NTAQ1: variants seen among roughly 807,000 people sequenced by gnomAD.
NTAQ1 encodes the protein protein N-terminal glutamine amidohydrolase.
Under a neutral mutation model 28.2 loss-of-function variants are expected in NTAQ1, and 21 were observed. The observed-to-expected ratio is 0.74, with a 90% CI of 0.53 to 1.07. The LOEUF is 1.07. Among genes scored for constraint, NTAQ1 ranks in the 50% least tolerant of loss-of-function variants. The pLI is 0.00. For missense variants in NTAQ1, 264 were observed against 256.6 expected (o/e 1.03, Z -0.20); for synonymous variants, 105 against 90.0 (o/e 1.17, Z -0.94).
chr8:123,452,895 AAAAACAAAAC>A (rs549141257), downstream of NTAQ1, among the ~76,000 whole-genome samples: 19 of 152,322 alleles, frequency 1.2e-4, no homozygotes, highest in East Asian at 3.7e-3. Flanking sequence ...CCCTCTCAAA[AAAAACAAAAC>A]AAAACAAAAC....
chr8:123,449,280 T>A (rs546179908), downstream of NTAQ1, among the ~76,000 whole-genome samples: 1 of 152,214 alleles, frequency 6.6e-6, no homozygotes, highest in Admixed American at 6.5e-5. Flanking sequence ...TGGATTCTCT[T>A]TGAGTCCCTT....
At chr8:123,461,319 C>T (rs1244761755) in intron 6 of NTAQ1, among the ~76,000 whole-genome samples, 1 of 152,158 alleles carries the variant, frequency 6.6e-6, no homozygotes, top group African/African-American at 2.4e-5. Context: ...TGGCTGGCTT[C>T]CTTGTTCCTT....
downstream of NTAQ1, among the ~76,000 whole-genome samples, chr8:123,470,337 G>A (rs183563990): frequency 2.6e-5 from 4 of 152,328 alleles, no homozygotes; most frequent in African/African-American, 7.2e-5. Context: ...ACTTGTTACC[G>A]TGGCCTCCGC....
intron 1 of NTAQ1, among the ~76,000 whole-genome samples, chr8:123,419,005 T>C (rs1813490363): frequency 6.6e-6 from 1 of 151,526 alleles, no homozygotes; most frequent in Admixed American, 6.6e-5. Context: ...CGCCTCTTGC[T>C]GAGAACCAGT....
chr8:123,452,668 T>A (rs7822727), downstream of NTAQ1, among the ~76,000 whole-genome samples: 337 of 151,596 alleles, frequency 2.2e-3, 3 homozygotes, highest in African/African-American at 7.8e-3. Context: ...TTGGGAGGCC[T>A]AGGCGGGCGG....
downstream of NTAQ1, among the ~76,000 whole-genome samples, chr8:123,443,125 T>G (rs1815142449): frequency 6.6e-6 from 1 of 151,884 alleles, no homozygotes; most frequent in Non-Finnish European, 1.5e-5. Flanking sequence ...GTTCAAACGA[T>G]TCTCATGCCT....
At chr8:123,449,206 C>T (rs951545902), downstream of NTAQ1, among the ~76,000 whole-genome samples, 1 of 152,204 alleles carries the variant, frequency 6.6e-6, no homozygotes, top group East Asian at 1.9e-4. Flanking sequence ...CAGCAGTACA[C>T]ACCATGACCA....
intron 1 of NTAQ1, among the ~76,000 whole-genome samples, chr8:123,421,512 C>CTTTTTTT (rs71310677): frequency 1.5e-5 from 2 of 133,908 alleles, no homozygotes; most frequent in East Asian, 2.3e-4. Flanking sequence ...TCTCTTTTTC[C>CTTTTTTT]TTTTTTTTTT....
intron 3 of NTAQ1, among the ~76,000 whole-genome samples, chr8:123,433,456 A>G (rs1272992642): frequency 6.6e-6 from 1 of 151,326 alleles, no homozygotes; most frequent in African/African-American, 2.4e-5. Context: ...TTATTTATTT[A>G]TTTGTTTTTG....
rs777436352 is a variant in NTAQ1 at position 123,429,989 on chromosome 8, A to C, written c.190A>C (p.Ile64Leu). 2.5e-6 allele frequency: 4 copies of C among 1,612,004 alleles called. No individual in the cohort carries two copies. The highest frequency in any genetic ancestry group is 3.4e-6 in the Non-Finnish European group (4 of 1,178,832). The part of the protein sequence containing the change: ...FISNERKMIP[I>L]WKQQARPGDG... ...AATGTATTGTATTTTGTAGATACCT[A>C]TCTGGAAACAACAGGCGAGACCTGG... Residue 64 changes from isoleucine to leucine, a missense_variant, in exon 3 of 6, where the codon ATC becomes CTC. Ile to Leu is a conservative substitution (Grantham distance 5, BLOSUM62 2). Transcript: ENST00000287387.
chr8:123,444,976 A>T (rs1458060185), downstream of NTAQ1, among the ~76,000 whole-genome samples: 1 of 152,212 alleles, frequency 6.6e-6, no homozygotes, highest in Non-Finnish European at 1.5e-5. Flanking sequence ...TAAGGAAATT[A>T]TGTCTTTCAG....
intron 6 of NTAQ1, among the ~76,000 whole-genome samples, chr8:123,459,742 A>T (rs1241367769): frequency 6.6e-6 from 1 of 152,036 alleles, no homozygotes; most frequent in Non-Finnish European, 1.5e-5. Context: ...TCAGGAAATC[A>T]CAAGGGTTTT....
chr8:123,467,276 T>G (rs899295696), exon 7 of NTAQ1: 1 of 152,060 alleles, frequency 6.6e-6, no homozygotes, highest in Non-Finnish European at 1.5e-5. Flanking sequence ...CCTCAAGTGA[T>G]CGACCTGCCT....
In NTAQ1 at chr8:123,436,743, T is replaced by C; in HGVS notation, c.383+142T>C. 2 of 870,118 alleles carry C rather than the reference T, an allele frequency of 2.3e-6. 1 individual carries two copies. Among genetic ancestry groups the C allele is most frequent in the South Asian group, 3.9e-5 (2 of 51,198 alleles). The allele number at this position is 870,118 out of a possible 1,614,324, so 53.9% of individuals were successfully genotyped here. A position where few individuals can be genotyped will look rare whatever the true frequency, so the allele number is the denominator to read the frequency against. On this transcript the variant is annotated intron_variant, in intron 4 of 5. Transcript: ENST00000287387. Reference sequence around the variant, plus strand: ...GAGTTGATGTTTAAGAATGATGTATTTGCAACACAGGAGATTCAAAATGTT... The same window carrying C: ...GAGTTGATGTTTAAGAATGATGTATCTGCAACACAGGAGATTCAAAATGTT...
intron 3 of NTAQ1, 21 bp from the exon 4 acceptor site, chr8:123,436,432 T>C (rs1482204750): frequency 6.2e-7 from 1 of 1,611,708 alleles, no homozygotes; most frequent in Non-Finnish European, 8.5e-7. Flanking sequence ...CTTGGTTAAC[T>C]TCAGCAACTT....
intron 3 of NTAQ1, among the ~76,000 whole-genome samples, chr8:123,430,739 T>C (rs1814345351): frequency 1.3e-5 from 2 of 152,004 alleles, no homozygotes; most frequent in African/African-American, 4.8e-5. Flanking sequence ...TGAGATTGCT[T>C]CACTGTACTC....
intron 1 of NTAQ1, among the ~76,000 whole-genome samples, chr8:123,425,167 C>T (rs553407242): frequency 6.6e-6 from 1 of 152,232 alleles, no homozygotes; most frequent in African/African-American, 2.4e-5. Context: ...TCTTGGCTCA[C>T]TGCAACCTCC....
At chr8:123,464,382 A>T (rs535080566) in intron 6 of NTAQ1, among the ~76,000 whole-genome samples, 2 of 152,210 alleles carry the variant, frequency 1.3e-5, no homozygotes, top group Admixed American at 1.3e-4. Context: ...CACAGCATCC[A>T]TAACAGCAGG....
At position 123,455,591 on chromosome 8, in the gene NTAQ1, A is replaced by AT. The variant is rs373331629; in HGVS notation, c.373-11483dup. ...AGGCGTGTGCCACCACGCCTGGCTA[A>AT]TTTTTGTAATTTTAGTAGAAACAGC... On this transcript the variant is annotated intron_variant, in intron 6 of 6. Coordinates refer to the NTAQ1 transcript ENST00000650311. Among the ~76,000 whole-genome samples the AT allele has an allele frequency of 2.4e-3, 363 of 151,860 alleles. 1 individual carries two copies. The highest frequency in any genetic ancestry group is 8.4e-3 in the African/African-American group (346 of 41,396).
Sources: gnomAD v4.1 joint callset for allele counts (sites outside exome capture counted in the v4.1 genomes callset) on GRCh38, gnomAD v4.1.1 for gene constraint, MANE v1.5 for transcripts, NCBI Gene and HGNC (gene_info 2026-07-23, HGNC 2026-07-21) for gene names.